PRKD3: variants seen among roughly 807,000 people sequenced by gnomAD.
The protein encoded by PRKD3 is serine/threonine-protein kinase D3.
Under a neutral mutation model 99.2 loss-of-function variants are expected in PRKD3, and 47 were observed. That is an observed-to-expected ratio of 0.47 (90% CI 0.38 to 0.60). PRKD3 has a LOEUF of 0.60. PRKD3 is among the 20% of genes least tolerant of loss of function. The pLI is 0.00. For missense variants in PRKD3, 1,019 were observed against 1,088.4 expected, an observed-to-expected ratio of 0.94 and a Z score of 0.90; for synonymous variants, 392 against 355.4, an observed-to-expected ratio of 1.10 and a Z score of -1.16.
Position 37,324,757 on chromosome 2 carries a change from A to C in PRKD3, c.-732T>G, listed in dbSNP as rs1453466779. On this transcript the variant is annotated 5_prime_UTR_variant, in exon 1 of 19. Transcript: ENST00000234179. ...CCGGACGAGGCGCCAGCGAGGCTTC[A>C]CGCGCCTCGCAGGATCCCGCCCGCC... 1 of 150,820 alleles carries C rather than the reference A, an allele frequency of 6.6e-6. No homozygotes were observed. Among genetic ancestry groups the C allele is most frequent in the Admixed American group, 6.6e-5 (1 of 15,190 alleles). The allele number at this position is 150,820 out of a possible 1,614,324, so 9.3% of individuals were successfully genotyped here.
intron 4 of PRKD3, 37 bp from the exon 5 acceptor site, chr2:37,289,550 A>G (rs1430351394): frequency 6.6e-7 from 1 of 1,510,830 alleles, no homozygotes. Context: ...TAAGATTTAA[A>G]AAAAAATTTA....
chr2:37,307,224 C>T (rs1250951209), intron 2 of PRKD3, among the ~76,000 whole-genome samples: 1 of 152,162 alleles, frequency 6.6e-6, no homozygotes, highest in African/African-American at 2.4e-5. Context: ...ATATTAAAAT[C>T]AGATACTGAG....
chr2:37,301,580 C>T (rs946463764), intron 2 of PRKD3, among the ~76,000 whole-genome samples: 2 of 151,964 alleles, frequency 1.3e-5, no homozygotes, highest in African/African-American at 4.8e-5. Context: ...ATTATAGGCA[C>T]GAGTCACCTT....
chr2:37,307,730 C>T (rs543225771), intron 2 of PRKD3, among the ~76,000 whole-genome samples: 1 of 152,244 alleles, frequency 6.6e-6, no homozygotes, highest in Admixed American at 6.5e-5. Context: ...CTAACAACAA[C>T]AACAACAGTA....
chr2:37,254,122 T>C, intron 18 of PRKD3, 82 bp downstream of exon 18: 6 of 980,408 alleles, frequency 6.1e-6, no homozygotes, highest in Non-Finnish European at 9.8e-6. Context: ...CTGCTGATCT[T>C]AGAGTGGTCT....
chr2:37,301,243 A>G (rs1019588732), intron 2 of PRKD3, among the ~76,000 whole-genome samples: 29 of 152,236 alleles, frequency 1.9e-4, no homozygotes, highest in African/African-American at 6.8e-4. Flanking sequence ...TTTATATTCC[A>G]AAGTATATAT....
intron 17 of PRKD3, among the ~76,000 whole-genome samples, chr2:37,254,494 A>G (rs943379036): frequency 6.6e-6 from 1 of 152,190 alleles, no homozygotes; most frequent in Admixed American, 6.5e-5. Flanking sequence ...CATTGCCTTT[A>G]TAAGGCAGTA....
At chr2:37,268,451 C>T (rs1462275138) in intron 13 of PRKD3, 1 of 433,098 alleles carries the variant, frequency 2.3e-6, no homozygotes, top group African/African-American at 2.1e-5. Context: ...TGTCACAATA[C>T]TAGGTGCTAG....
At chr2:37,261,241 C>G (rs1206751487) in intron 14 of PRKD3, among the ~76,000 whole-genome samples, 2 of 147,362 alleles carry the variant, frequency 1.4e-5, no homozygotes, top group Non-Finnish European at 3.0e-5. Flanking sequence ...AATCCCAGCA[C>G]TTTGGGAAGC....
chr2:37,253,859 G>A lies in PRKD3; in HGVS notation c.2499+345C>T, dbSNP rs573244607. Among the ~76,000 whole-genome samples, 59 of 152,254 alleles carry A rather than the reference G, an allele frequency of 3.9e-4. 1 individual carries two copies. The South Asian group carries it at 0.012, about 30-fold the overall frequency. Reference sequence around the variant, plus strand: ...TATAAAGTAACTTTGGGAGAATTAAGCCAAACATTTTTAAAAAATCTCTTC... The same window carrying A: ...TATAAAGTAACTTTGGGAGAATTAAACCAAACATTTTTAAAAAATCTCTTC... On this transcript the variant is annotated intron_variant, in intron 18 of 18. Coordinates refer to ENST00000234179, the MANE Select transcript of PRKD3 (RefSeq NM_005813.6).
At chr2:37,288,031 T>C (rs963486185) in intron 5 of PRKD3, among the ~76,000 whole-genome samples, 7 of 152,182 alleles carry the variant, frequency 4.6e-5, no homozygotes, top group Admixed American at 1.3e-4. Flanking sequence ...ACTGCACTTC[T>C]TATACTTCCC....
chr2:37,262,464 C>A (rs1668537028), intron 14 of PRKD3, among the ~76,000 whole-genome samples: 1 of 152,150 alleles, frequency 6.6e-6, no homozygotes, highest in Non-Finnish European at 1.5e-5. Context: ...GACTTGTTTG[C>A]TAATCATTTT....
Position 37,267,327 on chromosome 2 carries a change from T to C in PRKD3, c.1884+103A>G, listed in dbSNP as rs938462940. On this transcript the variant is annotated intron_variant, in intron 14 of 18. Coordinates refer to ENST00000234179, the MANE Select transcript of PRKD3 (RefSeq NM_005813.6). ...AGTCCCTATAATGCCTATATTACCA[T>C]AATCTAATTTTGCCTTCTTAAAAAA... 5 of 741,822 alleles carry C rather than the reference T, an allele frequency of 6.7e-6. No homozygotes were observed. In the African/African-American group the frequency reaches 9.1e-5, roughly 14 times the overall value. The allele number at this position is 741,822 out of a possible 1,614,324, so 46.0% of individuals were successfully genotyped here.
At chr2:37,286,027 T>C (rs1670078330) in intron 6 of PRKD3, 150 bp downstream of exon 6, 1 of 737,198 alleles carries the variant, frequency 1.4e-6, no homozygotes, top group African/African-American at 1.8e-5. Flanking sequence ...TACACACACA[T>C]TTATATTTTG....
chr2:37,291,134 A>G, intron 3 of PRKD3, 135 bp from the exon 4 acceptor site: 1 of 745,592 alleles, frequency 1.3e-6, no homozygotes, highest in Admixed American at 3.5e-5. Context: ...ATAAAAGTAA[A>G]TTATTTAATA....
intron 2 of PRKD3, among the ~76,000 whole-genome samples, chr2:37,306,067 CTTT>C (rs543636647): frequency 1.4e-5 from 2 of 141,756 alleles, no homozygotes; most frequent in African/African-American, 2.6e-5. Context: ...TCCTTGGATT[CTTT>C]TTTTTTTTTT....
intron 5 of PRKD3, among the ~76,000 whole-genome samples, chr2:37,289,042 A>C (rs1028202851): frequency 6.6e-6 from 1 of 151,480 alleles, no homozygotes; most frequent in African/African-American, 2.4e-5. Context: ...CGACAGAGCA[A>C]GACTCCATCT....
At chr2:37,319,227 T>C (rs974005036) in intron 1 of PRKD3, among the ~76,000 whole-genome samples, 1 of 152,204 alleles carries the variant, frequency 6.6e-6, no homozygotes, top group Admixed American at 6.5e-5. Flanking sequence ...ACAAAAATAG[T>C]ATCCAAGATG....
In PRKD3 at chr2:37,251,795, C is replaced by G. The variant is rs910953955; in HGVS notation, c.*1382G>C. 1 of 152,080 alleles carries G rather than the reference C, an allele frequency of 6.6e-6. No individual in the cohort carries two copies. The highest frequency in any genetic ancestry group is 2.4e-5 in the African/African-American group (1 of 41,412). The allele number at this position is 152,080 out of a possible 1,614,324, so 9.4% of individuals were successfully genotyped here. ...GAGGAACTGCCGACAGACCTGCCAT[C>G]TGTCCAGGCCAACATAACTAACAAG... On this transcript the variant is annotated 3_prime_UTR_variant, in exon 19 of 19. Transcript: ENST00000234179.
Sources: gnomAD v4.1 joint callset for allele counts (sites outside exome capture counted in the v4.1 genomes callset) on GRCh38, gnomAD v4.1.1 for gene constraint, MANE v1.5 for transcripts, NCBI Gene and HGNC (gene_info 2026-07-23, HGNC 2026-07-21) for gene names.